The following NR5A2 variants were observed in gnomAD, a reference collection of about 807,000 sequenced individuals.
NR5A2 encodes the protein CYP7A promoter-binding factor.
NR5A2 carries 26 observed loss-of-function variants against 62.7 expected under a neutral mutation model. That is an observed-to-expected ratio of 0.41 (90% confidence interval 0.30 to 0.58). The LOEUF is 0.58. NR5A2 is among the 20% of genes least tolerant of loss of function. The pLI, the probability that NR5A2 is intolerant of heterozygous loss-of-function variation, is 0.22. For synonymous variants in NR5A2, 246 were observed against 241.7 expected, an observed-to-expected ratio of 1.02 and a Z score of -0.16; for missense variants, 541 against 669.1, an observed-to-expected ratio of 0.81 and a Z score of 2.11.
intron 5 of NR5A2, among the ~76,000 whole-genome samples, chr1:200,061,445 A>C (rs1198825169): frequency 6.6e-6 from 1 of 151,720 alleles, no homozygotes; most frequent in South Asian, 2.1e-4. Context: ...TGCCTGGCTA[A>C]TTTTGTATTT....
chr1:200,139,962 C>A (rs758825362), intron 7 of NR5A2, among the ~76,000 whole-genome samples: 2 of 152,140 alleles, frequency 1.3e-5, no homozygotes, highest in Non-Finnish European at 2.9e-5. Flanking sequence ...CGATTGTAAT[C>A]GAGATTTATT....
chr1:200,048,774 A>G lies in NR5A2; in HGVS notation c.1066A>G (p.Ile356Val). The G allele has an allele frequency of 6.2e-7, 1 of 1,614,172 alleles. No individual in the cohort carries two copies. The highest frequency in any genetic ancestry group is 8.5e-7 in the Non-Finnish European group (1 of 1,180,042). The change falls in exon 5 of 8, where the codon ATT becomes GTT. Residue 356 changes from isoleucine (I) to valine (V), a missense_variant. Ile to Val is a conservative substitution (Grantham distance 29, BLOSUM62 3). Around this residue, in one of 3 missense-constraint regions of NR5A2, gnomAD observed 379 missense variants for 442.0 expected, o/e 0.86. Coordinates refer to ENST00000367362, the MANE Select transcript of NR5A2 (RefSeq NM_205860.3). This position sits in a 1 kb window ranked among gnomAD's most constrained non-coding sequence, Gnocchi z 4.8. ...CKMADQTLFSIVEWARSSIFF... is the reference protein window; with the variant it reads ...CKMADQTLFSVVEWARSSIFF... ...AATGGCAGATCAAACTCTCTTCTCC[A>G]TTGTCGAGTGGGCCAGGAGTAGTAT... is the stretch of plus-strand genomic sequence containing the variant.
chr1:200,052,077 C>T lies in NR5A2; in HGVS notation c.1110+3259C>T, dbSNP rs376716089. 5.3e-5 allele frequency among the ~76,000 whole-genome samples: 8 copies of T among 152,240 alleles called. 1 individual carries two copies. The South Asian group carries it at 1.0e-3, about 20-fold the overall frequency. On this transcript the variant is annotated intron_variant, in intron 5 of 7. Transcript: ENST00000367362. ...CATGTTTTTAAAAAAATTCTGGTCACGACTCACTAAATTGATTTCACGGCC... is the reference window on the plus strand; with the variant it reads ...CATGTTTTTAAAAAAATTCTGGTCATGACTCACTAAATTGATTTCACGGCC...
At chr1:200,029,364 A>G in intron 1 of NR5A2, 2 of 160,314 alleles carry the variant, frequency 1.2e-5, no homozygotes, top group Non-Finnish European at 2.7e-5. Context: ...TCTCCCCCAC[A>G]CCCCATGGGT....
chr1:200,094,524 CTTTTTTTT>C (rs373809748), intron 5 of NR5A2, among the ~76,000 whole-genome samples: 4 of 59,802 alleles, frequency 6.7e-5, no homozygotes, highest in African/African-American at 1.5e-4. Context: ...TTAAATGCCA[CTTTTTTTT>C]TTTTTTTTTT....
intron 5 of NR5A2, among the ~76,000 whole-genome samples, chr1:200,074,605 C>T (rs1372725540): frequency 1.1e-4 from 17 of 150,988 alleles, no homozygotes; most frequent in African/African-American, 3.6e-4. Context: ...GGTTTGGTGG[C>T]GGGTGCCTGT....
intron 6 of NR5A2, 36 bp from the exon 7 acceptor site, chr1:200,120,772 T>A: frequency 6.6e-7 from 1 of 1,507,118 alleles, no homozygotes; most frequent in Non-Finnish European, 8.8e-7. Flanking sequence ...TATTGCTGAT[T>A]CTGATAGTCC....
intron 6 of NR5A2, among the ~76,000 whole-genome samples, chr1:200,111,546 C>G (rs1342439930): frequency 6.6e-6 from 1 of 152,126 alleles, no homozygotes; most frequent in African/African-American, 2.4e-5. Context: ...TTCCAGTCTG[C>G]TGGGACTGAA....
At chr1:200,036,644 A>G (rs1661790355) in intron 1 of NR5A2, among the ~76,000 whole-genome samples, 1 of 152,126 alleles carries the variant, frequency 6.6e-6, no homozygotes, top group African/African-American at 2.4e-5. Flanking sequence ...TGCCTTGTCC[A>G]CTGCTGGCGG....
intron 7 of NR5A2, among the ~76,000 whole-genome samples, chr1:200,146,461 A>G (rs1667698993): frequency 1.3e-5 from 2 of 152,238 alleles, no homozygotes; most frequent in African/African-American, 4.8e-5. Flanking sequence ...AACAGGCTGT[A>G]TAAATAGCCA....
chr1:200,078,656 T>G (rs1420200904), intron 5 of NR5A2, among the ~76,000 whole-genome samples: 1 of 152,242 alleles, frequency 6.6e-6, no homozygotes, highest in Non-Finnish European at 1.5e-5. Flanking sequence ...TACATTTTCT[T>G]AAGTTCTAAT....
In NR5A2 at chr1:200,039,939, A is replaced by C; in HGVS notation, c.202+144A>C. On this transcript the variant is annotated intron_variant, in intron 2 of 7. Transcript: ENST00000367362. This position sits in a 1 kb window ranked among gnomAD's most constrained non-coding sequence, Gnocchi z 5.1. Reference sequence around the variant, plus strand: ...GCCGCGGGAGTCAAGCCCCCTCCCCAGGTGCAGGCATAAAAGTTTATGGCT... The same window carrying C: ...GCCGCGGGAGTCAAGCCCCCTCCCCCGGTGCAGGCATAAAAGTTTATGGCT... 1 of 850,702 alleles carries C rather than the reference A, an allele frequency of 1.2e-6. No homozygotes were observed. Among genetic ancestry groups the C allele is most frequent in the Non-Finnish European group, 1.7e-6 (1 of 586,524 alleles). The allele number at this position is 850,702 out of a possible 1,614,324, so 52.7% of individuals were successfully genotyped here. A position where few individuals can be genotyped will look rare whatever the true frequency, so the allele number is the denominator to read the frequency against.
chr1:200,052,161 C>A (rs577913427), intron 5 of NR5A2, among the ~76,000 whole-genome samples: 1 of 152,140 alleles, frequency 6.6e-6, no homozygotes, highest in Admixed American at 6.5e-5. Flanking sequence ...GAGGTTTTAT[C>A]GGCCATCCAT....
chr1:200,145,004 G>A (rs923735315), intron 7 of NR5A2, among the ~76,000 whole-genome samples: 4 of 152,146 alleles, frequency 2.6e-5, no homozygotes, highest in African/African-American at 7.2e-5. Flanking sequence ...GGGGTTGAGG[G>A]AGGTGGCTTA....
chr1:200,158,900 T>G (rs61826181), intron 7 of NR5A2, among the ~76,000 whole-genome samples: 12,982 of 130,358 alleles, frequency 0.1, 686 homozygotes, highest in Non-Finnish European at 0.13. Context: ...TATGTTTGAT[T>G]CTTTTTTTTT....
intron 7 of NR5A2, among the ~76,000 whole-genome samples, chr1:200,122,338 C>T (rs1666515843): frequency 6.6e-6 from 1 of 152,144 alleles, no homozygotes; most frequent in Non-Finnish European, 1.5e-5. Flanking sequence ...TAAACTAGTG[C>T]ATTTGATCAC....
rs138519275 is a variant in NR5A2 at position 200,133,505 on chromosome 1, C to CTATATATATATATATATA, written c.1378+12555_1378+12572dup. On this transcript the variant is annotated intron_variant, in intron 7 of 7. Coordinates refer to ENST00000367362, the MANE Select transcript of NR5A2 (RefSeq NM_205860.3). ...TAATGATGTTTTGGTCACTGATGGA[C>CTATATATATATATATATA]TATATATATATATATATATATACAC... 3.9e-3 allele frequency among the ~76,000 whole-genome samples: 520 copies of CTATATATATATATATATA among 134,254 alleles called. 5 individuals carry two copies. The highest frequency in any genetic ancestry group is 0.016 in the Middle Eastern group (4 of 250). The allele number at this position is 134,254 out of a possible 152,430, so 88.1% of individuals were successfully genotyped here. A position where few individuals can be genotyped will look rare whatever the true frequency, so the allele number is the denominator to read the frequency against.
At position 200,088,617 on chromosome 1, in the gene NR5A2, T is replaced by G. The variant is rs114761141; in HGVS notation, c.1111-22585T>G. Among the ~76,000 whole-genome samples the G allele has an allele frequency of 6.2e-3, 948 of 152,278 alleles. 5 individuals carry two copies. The highest frequency in any genetic ancestry group is 0.022 in the African/African-American group (911 of 41,552). ...ACTGGCTCTCATCAGTCCACATGAATGTGCAAAGCTCCCCTCCTGAAAATA... is the reference window on the plus strand; with the variant it reads ...ACTGGCTCTCATCAGTCCACATGAAGGTGCAAAGCTCCCCTCCTGAAAATA... On this transcript the variant is annotated intron_variant, in intron 5 of 7. Transcript: ENST00000367362.
chr1:200,126,038 G>A (rs915973002), intron 7 of NR5A2, among the ~76,000 whole-genome samples: 2 of 152,058 alleles, frequency 1.3e-5, no homozygotes, highest in African/African-American at 4.8e-5. Context: ...TATAGAGACA[G>A]GGTCTCACTA....
Sources: allele counts gnomAD v4.1 joint callset (sites outside exome capture counted in the v4.1 genomes callset), GRCh38; gene constraint gnomAD v4.1.1; regional missense constraint gnomAD v4.1.1; non-coding constraint Gnocchi (gnomAD v3.1); transcripts MANE v1.5; gene names NCBI Gene and HGNC (gene_info 2026-07-23, HGNC 2026-07-21).